The following RBFOX1 variants were observed in gnomAD, a reference collection of about 807,000 sequenced individuals.
RBFOX1 encodes the protein RNA binding protein fox-1 homolog 1.
RBFOX1 carries 8 observed loss-of-function variants against 57.7 expected under a neutral mutation model. The ratio of observed to expected loss-of-function variants is 0.14; its 90% CI spans 0.08 to 0.25. The LOEUF is 0.25. Among genes scored for constraint, RBFOX1 ranks in the 10% least tolerant of loss-of-function variants. The probability of loss-of-function intolerance (pLI) is 1.00; values close to 1 mark genes in which losing one functional copy is unlikely to be tolerated. For missense variants in RBFOX1, 611 were observed against 548.5 expected, an observed-to-expected ratio of 1.11 and a Z score of -1.14; for synonymous variants, 326 against 222.4, an observed-to-expected ratio of 1.47 and a Z score of -4.15.
chr16:5,884,083 G>T (rs2057835470), intron 4 of RBFOX1, among the ~76,000 whole-genome samples: 1 of 152,194 alleles, frequency 6.6e-6, no homozygotes, highest in South Asian at 2.1e-4. Context: ...AATCACTGTA[G>T]CTGCCTAATA....
chr16:6,624,390 G>A (rs981730219), intron 2 of RBFOX1, among the ~76,000 whole-genome samples: 22 of 152,110 alleles, frequency 1.4e-4, no homozygotes, highest in African/African-American at 5.3e-4. Context: ...CAGGGTTTTT[G>A]CAGGGCAGTA....
At chr16:6,879,412 T>C (rs2062469103) in intron 3 of RBFOX1, among the ~76,000 whole-genome samples, 1 of 152,238 alleles carries the variant, frequency 6.6e-6, no homozygotes, top group Non-Finnish European at 1.5e-5. Flanking sequence ...TGGTATGTAA[T>C]TATTAGAATT....
At chr16:5,273,863 A>G (rs1236075202) in intron 1 of RBFOX1, among the ~76,000 whole-genome samples, 2 of 152,154 alleles carry the variant, frequency 1.3e-5, no homozygotes, top group Non-Finnish European at 2.9e-5. Flanking sequence ...CAGAATTCTT[A>G]CATAAGCCCA....
At chr16:5,671,303 G>A (rs995545932) in intron 3 of RBFOX1, among the ~76,000 whole-genome samples, 2 of 152,184 alleles carry the variant, frequency 1.3e-5, no homozygotes, top group African/African-American at 4.8e-5. Context: ...GGAGGCAGGG[G>A]GAGAGACATG....
chr16:6,977,171 T>TA (rs1427163416), intron 3 of RBFOX1, among the ~76,000 whole-genome samples: 2 of 146,698 alleles, frequency 1.4e-5, no homozygotes, highest in Non-Finnish European at 3.0e-5. Context: ...TATATTATCA[T>TA]ATATAGATCA....
intron 4 of RBFOX1, among the ~76,000 whole-genome samples, chr16:5,874,461 G>C (rs1042620938): frequency 1.3e-5 from 2 of 152,088 alleles, no homozygotes; most frequent in African/African-American, 4.8e-5. Flanking sequence ...TCATTGTCTA[G>C]CACCAGAGAG....
At chr16:7,052,913 A>T (rs745610759) in intron 4 of RBFOX1, among the ~76,000 whole-genome samples, 1 of 152,192 alleles carries the variant, frequency 6.6e-6, no homozygotes, top group Non-Finnish European at 1.5e-5. Context: ...TTACTGGACA[A>T]TGTGCCTTAT....
At chr16:5,632,111 A>G (rs767419533) in intron 3 of RBFOX1, among the ~76,000 whole-genome samples, 2 of 152,246 alleles carry the variant, frequency 1.3e-5, no homozygotes, top group Non-Finnish European at 2.9e-5. Flanking sequence ...GTGTGTGCCC[A>G]GAAGAGGCCT....
chr16:5,248,544 C>G (rs1244853380), intron 1 of RBFOX1, among the ~76,000 whole-genome samples: 1 of 152,202 alleles, frequency 6.6e-6, no homozygotes. Flanking sequence ...CCCTCTGACC[C>G]TCTAGACCTC....
intron 4 of RBFOX1, among the ~76,000 whole-genome samples, chr16:5,871,683 A>G (rs982149583): frequency 6.6e-6 from 1 of 152,180 alleles, no homozygotes; most frequent in Non-Finnish European, 1.5e-5. Context: ...CACGTTGTCT[A>G]TGCTGACAGC....
intron 3 of RBFOX1, among the ~76,000 whole-genome samples, chr16:6,768,718 ATAT>A (rs1316991408): frequency 1.3e-4 from 20 of 149,684 alleles, no homozygotes; most frequent in Admixed American, 6.0e-4. Flanking sequence ...TGTATATATG[ATAT>A]TATGATGATA....
chr16:5,253,348 C>T (rs1025033525), intron 1 of RBFOX1, among the ~76,000 whole-genome samples: 2 of 152,130 alleles, frequency 1.3e-5, no homozygotes, highest in Non-Finnish European at 1.5e-5. Context: ...GAGGGAGTTT[C>T]ACCATGTTGG....
At chr16:5,496,364 T>C (rs1312342494) in intron 2 of RBFOX1, among the ~76,000 whole-genome samples, 1 of 152,172 alleles carries the variant, frequency 6.6e-6, no homozygotes, top group Non-Finnish European at 1.5e-5. Flanking sequence ...AGCCCTCCTG[T>C]ACCATAATAA....
intron 3 of RBFOX1, among the ~76,000 whole-genome samples, chr16:5,861,145 G>A (rs1308652103): frequency 6.6e-6 from 1 of 152,144 alleles, no homozygotes; most frequent in African/African-American, 2.4e-5. Flanking sequence ...GAGCAGAAGT[G>A]GATTTCCTAT....
intron 4 of RBFOX1, among the ~76,000 whole-genome samples, chr16:6,012,943 A>T (rs974226296): frequency 3.3e-5 from 5 of 152,222 alleles, no homozygotes; most frequent in Admixed American, 6.5e-5. Context: ...GGAACCTATG[A>T]CAGTTCCTGA....
intron 3 of RBFOX1, among the ~76,000 whole-genome samples, chr16:6,762,285 C>T (rs2076716367): frequency 6.6e-6 from 1 of 152,102 alleles, no homozygotes; most frequent in African/African-American, 2.4e-5. Context: ...GTGCAGACTT[C>T]TAGTGAAAAT....
intron 2 of RBFOX1, among the ~76,000 whole-genome samples, chr16:6,467,807 G>A (rs1047122698): frequency 6.6e-6 from 1 of 152,150 alleles, no homozygotes; most frequent in Non-Finnish European, 1.5e-5. Context: ...TTGCAAAGCA[G>A]TAAATTATAA....
chr16:7,518,217 C>A lies in RBFOX1; in HGVS notation c.98C>A (p.Pro33Gln), dbSNP rs750747492. 59 of 1,613,994 alleles carry A rather than the reference C, an allele frequency of 3.7e-5. No homozygotes were observed. The highest frequency in any genetic ancestry group is 4.0e-5 in the Non-Finnish European group (47 of 1,180,014). ...QPYASAQFAPPQNGIPAEYTA... is the reference protein window; with the variant it reads ...QPYASAQFAPQQNGIPAEYTA... ...TACGCTTCGGCCCAGTTTGCTCCCC[C>A]GCAGAACGGTATCCCCGCGGAATAC... Residue 33 changes from proline to glutamine, a missense_variant, in exon 5 of 16, where the codon CCG becomes CAG. Physicochemically the swap from Pro to Gln is moderately conservative, Grantham distance 76 (BLOSUM62 -1). This residue lies in a region of RBFOX1 where 245 missense variants were observed against 159.1 expected (regional missense o/e 1.54). Coordinates refer to ENST00000550418, the MANE Select transcript of RBFOX1 (RefSeq NM_018723.4).
chr16:5,407,372 G>A (rs150191269), intron 1 of RBFOX1, among the ~76,000 whole-genome samples: 18 of 152,168 alleles, frequency 1.2e-4, no homozygotes, highest in Admixed American at 6.5e-4. Context: ...AATTAGATGA[G>A]TAGTGAGGCA....
Sources: allele counts gnomAD v4.1 joint callset (sites outside exome capture counted in the v4.1 genomes callset), GRCh38; gene constraint gnomAD v4.1.1; regional missense constraint gnomAD v4.1.1; transcripts MANE v1.5; gene names NCBI Gene and HGNC (gene_info 2026-07-23, HGNC 2026-07-21).